CDC25A: variants seen among roughly 807,000 people sequenced by gnomAD.
CDC25A encodes cell division cycle 25A.
A neutral mutation model predicts 64.6 loss-of-function variants in CDC25A; 17 were observed. The observed-to-expected ratio is 0.26, with a 90% CI of 0.18 to 0.39. The LOEUF (loss-of-function observed/expected upper bound fraction) is 0.39. Ranked by LOEUF, CDC25A falls within the 10% of genes least tolerant of loss-of-function variation. The pLI is 1.00. For missense variants in CDC25A, 473 were observed against 654.8 expected (o/e 0.72, Z 3.03); for synonymous variants, 229 against 238.6 (o/e 0.96, Z 0.37).
At chr3:48,167,446 G>A (rs1445306871) in intron 10 of CDC25A, among the ~76,000 whole-genome samples, 1 of 152,144 alleles carries the variant, frequency 6.6e-6, no homozygotes, top group Non-Finnish European at 1.5e-5. Flanking sequence ...TCTGAACGGA[G>A]AAATTCAGTC....
Position 48,187,908 on chromosome 3 carries a change from G to A in CDC25A, c.40C>T (p.Leu14Phe), listed in dbSNP as rs1199738200. The change falls in exon 1 of 15, where the codon CTC (leucine) becomes TTC (phenylalanine). Residue 14 changes from leucine to phenylalanine, a missense_variant. Transcript: ENST00000302506. Reference sequence around the variant, plus strand: ...GCGGGAGGGGGGCTGCAGGCGAAGAGCAGGCGGCGGCGGTGCGGGGGCTCC... The same window carrying A: ...GCGGGAGGGGGGCTGCAGGCGAAGAACAGGCGGCGGCGGTGCGGGGGCTCC... ...GPEPPHRRRL[L>F]FACSPPPASQ... 6.5e-7 allele frequency: 1 copy of A among 1,539,200 alleles called. No homozygotes were observed. Among genetic ancestry groups the A allele is most frequent in the African/African-American group, 1.4e-5 (1 of 71,808 alleles).
rs539012709 is a variant in CDC25A, at chr3:48,171,615, G to A, written c.930+2669C>T. Among the ~76,000 whole-genome samples the A allele has an allele frequency of 2.8e-4, 42 of 151,880 alleles. 1 individual carries two copies. The East Asian group carries it at 5.9e-3, about 21-fold the overall frequency. On this transcript the variant is annotated intron_variant, in intron 9 of 14. Coordinates refer to ENST00000302506, the MANE Select transcript of CDC25A (RefSeq NM_001789.3). ...AGGCTGGTATGGAACTCCTGACCTC[G>A]TGATCCACCCGCCTTGTCCTCCCAA...
chr3:48,180,687 T>A (rs1352021670), intron 6 of CDC25A, 34 bp downstream of exon 6: 1 of 1,609,340 alleles, frequency 6.2e-7, no homozygotes, highest in South Asian at 1.1e-5. Flanking sequence ...TTTCTTCCTG[T>A]CAGGAATTCC....
intron 5 of CDC25A, chr3:48,181,694 T>C (rs564646837): frequency 4.4e-6 from 4 of 905,412 alleles, no homozygotes; most frequent in Middle Eastern, 5.8e-4. Flanking sequence ...TAAAAGGGTA[T>C]TGCGACCCAA....
intron 13 of CDC25A, 70 bp from the exon 14 acceptor site, chr3:48,159,525 G>A (rs1338683060): frequency 1.9e-6 from 2 of 1,027,802 alleles, no homozygotes; most frequent in African/African-American, 1.6e-5. Flanking sequence ...CGCAGTCAAA[G>A]CAGCAGTTGT....
At chr3:48,181,731 T>C in intron 5 of CDC25A, 1 of 763,144 alleles carries the variant, frequency 1.3e-6, no homozygotes, top group Admixed American at 1.8e-5. Context: ...AAGTAAAGAC[T>C]GGCTGAATTA....
At chr3:48,180,036 C>T (rs759198493) in intron 6 of CDC25A, among the ~76,000 whole-genome samples, 3 of 152,046 alleles carry the variant, frequency 2.0e-5, no homozygotes, top group Non-Finnish European at 4.4e-5. Context: ...AGCCCTGAAA[C>T]GAGTGACCCC....
intron 12 of CDC25A, among the ~76,000 whole-genome samples, chr3:48,165,246 C>G (rs1444613317): frequency 6.6e-6 from 1 of 151,996 alleles, no homozygotes; most frequent in Non-Finnish European, 1.5e-5. Context: ...GCACAGACAC[C>G]AGGACATGTT....
intron 10 of CDC25A, among the ~76,000 whole-genome samples, chr3:48,166,205 T>G (rs2106702401): frequency 7.0e-6 from 1 of 142,216 alleles, no homozygotes; most frequent in East Asian, 2.0e-4. Flanking sequence ...ATCGCTTGAA[T>G]CCAGGAGGCG....
rs1575274245 is a variant in CDC25A at position 48,184,699 on chromosome 3, TG to T, written c.248-5del. The T allele has an allele frequency of 1.3e-6, 2 of 1,578,620 alleles. No homozygotes were observed. Among genetic ancestry groups the T allele is most frequent in the African/African-American group, 1.4e-5 (1 of 72,420 alleles). ...CCAGGAGAATCTAGACAGAAACCTATGGGGAAAAAAAAAACCTCTCAAGAAA... is the reference window on the plus strand; with the variant it reads ...CCAGGAGAATCTAGACAGAAACCTATGGGAAAAAAAAAACCTCTCAAGAAA... On this transcript the variant is annotated splice_region_variant and splice_polypyrimidine_tract_variant and intron_variant, in intron 2 of 14. Transcript: ENST00000302506.
chr3:48,187,756 C>A, intron 1 of CDC25A, 22 bp downstream of exon 1: 1 of 1,529,706 alleles, frequency 6.5e-7, no homozygotes. Context: ...GCCCGGAGCA[C>A]CGCCCGCCGG....
At position 48,173,869 on chromosome 3, in the gene CDC25A, T is replaced by C. The variant is rs3731519; in HGVS notation, c.930+415A>G. 9.7e-4 allele frequency among the ~76,000 whole-genome samples: 147 copies of C among 152,184 alleles called. 1 individual carries two copies. Among genetic ancestry groups the C allele is most frequent in the African/African-American group, 3.4e-3 (143 of 41,514 alleles). ...TCCCAACTTGAACAGGAAAAGACAATCAACAGATGCCAACAACACTATGGA... is the reference window on the plus strand; with the variant it reads ...TCCCAACTTGAACAGGAAAAGACAACCAACAGATGCCAACAACACTATGGA... On this transcript the variant is annotated intron_variant, in intron 9 of 14. Transcript: ENST00000302506.
intron 1 of CDC25A, among the ~76,000 whole-genome samples, chr3:48,187,269 T>C (rs2032875128): frequency 6.6e-6 from 1 of 152,096 alleles, no homozygotes; most frequent in African/African-American, 2.4e-5. Flanking sequence ...GACCTGGCCT[T>C]AGGAAAGCAG....
chr3:48,183,384 C>T (rs573546558), intron 4 of CDC25A, among the ~76,000 whole-genome samples: 1 of 152,314 alleles, frequency 6.6e-6, no homozygotes, highest in South Asian at 2.1e-4. Flanking sequence ...CCAGACCGAA[C>T]ATCTTGAGTA....
chr3:48,186,725 G>A lies in CDC25A; in HGVS notation c.225C>T (p.Gly75=). 1 of 1,600,714 alleles carries A rather than the reference G, an allele frequency of 6.2e-7. No individual in the cohort carries two copies. Among genetic ancestry groups the A allele is most frequent in the Non-Finnish European group, 8.5e-7 (1 of 1,170,956 alleles). ...VKNNSNLQRM[G]SSESTDSGFC... is the part of the protein sequence containing the mutation. Reference sequence around the variant, plus strand: ...TACCTGAATCTGTTGACTCGGAGGAGCCCATTCTCTGCAGATTACTGTTGT... The same window carrying A: ...TACCTGAATCTGTTGACTCGGAGGAACCCATTCTCTGCAGATTACTGTTGT... The change falls in exon 2 of 15, where the codon GGC becomes GGT. Residue 75 remains glycine, a synonymous_variant. Coordinates refer to ENST00000302506, the MANE Select transcript of CDC25A (RefSeq NM_001789.3).
chr3:48,171,384 T>C (rs974027941), intron 9 of CDC25A, among the ~76,000 whole-genome samples: 1 of 138,454 alleles, frequency 7.2e-6, no homozygotes, highest in Non-Finnish European at 1.5e-5. Context: ...TGAATATTCT[T>C]TTTTTTTTTT....
chr3:48,177,156 G>A (rs529205219), intron 8 of CDC25A, among the ~76,000 whole-genome samples: 1 of 152,234 alleles, frequency 6.6e-6, no homozygotes, highest in African/African-American at 2.4e-5. Context: ...GAATGACCAT[G>A]GTCCCTCCTA....
At chr3:48,179,797 G>A (rs1046035655) in intron 6 of CDC25A, among the ~76,000 whole-genome samples, 2 of 152,220 alleles carry the variant, frequency 1.3e-5, no homozygotes, top group African/African-American at 4.8e-5. Flanking sequence ...ATATAAAAGT[G>A]CTTTGTGCAA....
chr3:48,181,701 C>A, intron 5 of CDC25A: 1 of 868,414 alleles, frequency 1.2e-6, no homozygotes, highest in Non-Finnish European at 2.0e-6. Context: ...GTATTGCGAC[C>A]CAATAAAGAA....
Sources: gnomAD v4.1 joint callset for allele counts (sites outside exome capture counted in the v4.1 genomes callset) on GRCh38, gnomAD v4.1.1 for gene constraint, MANE v1.5 for transcripts, NCBI Gene and HGNC (gene_info 2026-07-23, HGNC 2026-07-21) for gene names.